The following OBP2B variants were observed in gnomAD, a reference collection of about 807,000 sequenced individuals.
The protein encoded by OBP2B is odorant-binding protein 2b.
OBP2B carries 10 observed loss-of-function variants against 21.7 expected under a neutral mutation model. The observed-to-expected ratio is 0.46, with a 90% CI of 0.28 to 0.78. The LOEUF (loss-of-function observed/expected upper bound fraction) is 0.78, where lower values mean the gene tolerates loss of function less well. OBP2B is among the 30% of genes least tolerant of loss of function. The pLI is 0.11. For missense variants in OBP2B, 153 were observed against 217.7 expected (o/e 0.70, Z 1.87); for synonymous variants, 73 against 91.5 (o/e 0.80, Z 1.16).
chr9:133,206,366 C>T lies in OBP2B; in HGVS notation c.439G>A (p.Val147Met), dbSNP rs782382799. The T allele has an allele frequency of 1.9e-6, 3 of 1,614,096 alleles. No individual in the cohort carries two copies. Among genetic ancestry groups the T allele is most frequent in the East Asian group, 2.2e-5 (1 of 44,852 alleles). The change falls in exon 5 of 7, where the codon GTG becomes ATG. Residue 147 changes from valine to methionine, a missense_variant. This residue lies in a region of OBP2B where 151 missense variants were observed against 186.3 expected (regional missense o/e 0.81). Coordinates refer to ENST00000372034, the MANE Select transcript of OBP2B (RefSeq NM_014581.4). The stretch of plus-strand genomic sequence containing the variant: ...TCCTCCGAGAGTCCCTTGCGCTGCA[C>T]CAATTTCTTAAATTCTTCCAGGGCC... ...REALEEFKKL[V>M]QRKGLSEEDI...
chr9:133,217,585 G>C, the OBP2B span, among the ~76,000 whole-genome samples: 3 of 152,204 alleles, frequency 2.0e-5, no homozygotes, highest in African/African-American at 7.2e-5. Context: ...CCCCCAGATG[G>C]CTTCCTATTG....
the OBP2B span, among the ~76,000 whole-genome samples, chr9:133,215,709 G>A: frequency 0.81 from 123,526 of 152,142 alleles, 50,832 homozygotes; most frequent in African/African-American, 0.91. Context: ...AAGACTCATT[G>A]TATAGCTAGC....
rs2073870 is a variant in OBP2B, at chr9:133,208,193, T to A, written c.217A>T (p.Arg73Trp). 82 of 1,607,282 alleles carry A rather than the reference T, an allele frequency of 5.1e-5. No individual in the cohort carries two copies. The highest frequency in any genetic ancestry group is 4.5e-4 in the Middle Eastern group (2 of 4,412). ...ATCAGGATTTTCTTCTGGATGCACC[T>A]ATCCTCCCTCCTGGAAAACAGGAGA... Reference protein sequence around the residue: ...EATFTFMREDRCIQKKILMRK... With the variant: ...EATFTFMREDWCIQKKILMRK... Residue 73 changes from arginine (R) to tryptophan (W), a missense_variant, in exon 3 of 7, where the codon AGG becomes TGG. Arg to Trp is a moderately radical substitution (Grantham distance 101). Coordinates refer to ENST00000372034, the MANE Select transcript of OBP2B (RefSeq NM_014581.4).
chr9:133,205,819 G>A, intron 6 of OBP2B, 98 bp downstream of exon 6: 1 of 1,564,554 alleles, frequency 6.4e-7, no homozygotes, highest in Non-Finnish European at 8.8e-7. Flanking sequence ...GGGTCTCCCT[G>A]GCTGTGTGGG....
chr9:133,222,173 G>T, the OBP2B span, among the ~76,000 whole-genome samples: 1 of 152,206 alleles, frequency 6.6e-6, no homozygotes, highest in South Asian at 2.1e-4. Context: ...CTCTCAGCAT[G>T]GATCGGCTCC....
chr9:133,206,158 G>A (rs1833701388), intron 5 of OBP2B, among the ~76,000 whole-genome samples, 157 bp downstream of exon 5: 1 of 152,056 alleles, frequency 6.6e-6, no homozygotes, highest in African/African-American at 2.4e-5. Flanking sequence ...AGCCTCCAAT[G>A]AGGAGGACGC....
chr9:133,222,842 C>T, the OBP2B span, among the ~76,000 whole-genome samples: 14 of 152,006 alleles, frequency 9.2e-5, no homozygotes, highest in South Asian at 2.5e-3. Flanking sequence ...GTCCTCCTTC[C>T]ATAACTGCCA....
chr9:133,221,985 C>T, the OBP2B span, among the ~76,000 whole-genome samples: 1 of 152,212 alleles, frequency 6.6e-6, no homozygotes, highest in Non-Finnish European at 1.5e-5. Flanking sequence ...ATCCCCTCCT[C>T]CTTTGCGTGA....
At chr9:133,217,940 G>A in the OBP2B span, among the ~76,000 whole-genome samples, 1 of 152,200 alleles carries the variant, frequency 6.6e-6, no homozygotes, top group Non-Finnish European at 1.5e-5. Flanking sequence ...TGTTCATTGT[G>A]CAAGCAATCC....
upstream of OBP2B, among the ~76,000 whole-genome samples, chr9:133,212,278 A>C (rs1269964834): frequency 6.6e-6 from 1 of 152,266 alleles, no homozygotes; most frequent in Non-Finnish European, 1.5e-5. Context: ...AACTAGACAG[A>C]AAACCAGCAG....
chr9:133,210,281 C>T (rs1330514295), upstream of OBP2B, among the ~76,000 whole-genome samples: 1 of 152,146 alleles, frequency 6.6e-6, no homozygotes, highest in Middle Eastern at 3.2e-3. Flanking sequence ...AGGTGCTGGA[C>T]CCACACAATG....
At chr9:133,217,765 C>T in the OBP2B span, among the ~76,000 whole-genome samples, 1 of 152,202 alleles carries the variant, frequency 6.6e-6, no homozygotes, top group Non-Finnish European at 1.5e-5. Flanking sequence ...GCTGGGACAA[C>T]CCAGCAAACT....
intron 3 of OBP2B, 145 bp downstream of exon 3, chr9:133,207,988 G>A: frequency 6.6e-7 from 1 of 1,521,120 alleles, no homozygotes; most frequent in South Asian, 1.2e-5. Flanking sequence ...CAGCCCCCCA[G>A]GAAGGAGAGG....
At chr9:133,208,702 C>A in intron 1 of OBP2B, 100 bp from the exon 2 acceptor site, 1 of 1,525,058 alleles carries the variant, frequency 6.6e-7, no homozygotes, top group Admixed American at 2.0e-5. Context: ...CCATGGTGCC[C>A]GGCTGCTGCC....
chr9:133,209,667 G>A (rs1833869506), upstream of OBP2B, among the ~76,000 whole-genome samples: 3 of 152,140 alleles, frequency 2.0e-5, no homozygotes, highest in Admixed American at 1.3e-4. The surrounding 1 kb of genome is among the most constrained non-coding windows in gnomAD (Gnocchi z 6.0). Context: ...CTGGGCTTTA[G>A]AACCAGAGAG....
chr9:133,207,405 G>GGCCACATGAAGAAAC, intron 3 of OBP2B, 69 bp from the exon 4 acceptor site: 1 of 1,088,118 alleles, frequency 9.2e-7, no homozygotes, highest in Non-Finnish European at 1.4e-6. Flanking sequence ...AAACACTCGG[G>GGCCACATGAAGAAAC]AATGTTTCAG....
the OBP2B span, among the ~76,000 whole-genome samples, chr9:133,222,184 G>A: frequency 2.6e-4 from 39 of 151,868 alleles, no homozygotes; most frequent in South Asian, 2.3e-3. Context: ...GATCGGCTCC[G>A]CCCAAGCCCC....
chr9:133,208,674 G>A lies in OBP2B; in HGVS notation c.73-72C>T, dbSNP rs544477361. 17 of 1,534,206 alleles carry A rather than the reference G, an allele frequency of 1.1e-5. 1 individual carries two copies. Among genetic ancestry groups the A allele is most frequent in the East Asian group, 4.7e-5 (2 of 42,802 alleles). On this transcript the variant is annotated intron_variant, in intron 1 of 6. Coordinates refer to ENST00000372034, the MANE Select transcript of OBP2B (RefSeq NM_014581.4). ...TACTCTGACCCTGGCACTCAGGCCT[G>A]CAGCTATAACCAGACACCCATGGTG... is the stretch of plus-strand genomic sequence containing the variant.
At chr9:133,205,473 G>C in intron 6 of OBP2B, 62 bp from the exon 7 acceptor site, 1 of 1,022,062 alleles carries the variant, frequency 9.8e-7, no homozygotes, top group East Asian at 2.7e-5. Context: ...GCCAGGGCCA[G>C]AGCTCCCTCC....
Sources: allele counts gnomAD v4.1 joint callset (sites outside exome capture counted in the v4.1 genomes callset), GRCh38; gene constraint gnomAD v4.1.1; regional missense constraint gnomAD v4.1.1; non-coding constraint Gnocchi (gnomAD v3.1); transcripts MANE v1.5; gene names NCBI Gene and HGNC (gene_info 2026-07-23, HGNC 2026-07-21).